Variants in MAP1B observed in about 807,000 individuals in gnomAD.
The protein encoded by MAP1B is microtubule associated protein 1B.
In MAP1B, 12 loss-of-function variants were observed where a neutral mutation model predicts 176.1. The ratio of observed to expected loss-of-function variants is 0.07; its 90% CI spans 0.04 to 0.11. The LOEUF (loss-of-function observed/expected upper bound fraction) is 0.11. Ranked by LOEUF, MAP1B falls within the 10% of genes least tolerant of loss-of-function variation. The pLI is 1.00. For missense variants in MAP1B, 2,523 were observed against 2,990.5 expected, an observed-to-expected ratio of 0.84 and a Z score of 3.65; for synonymous variants, 1,044 against 1,135.0, an observed-to-expected ratio of 0.92 and a Z score of 1.61.
At chr5:72,184,492 A>G (rs1487914984) in intron 3 of MAP1B, among the ~76,000 whole-genome samples, 3 of 152,246 alleles carry the variant, frequency 2.0e-5, no homozygotes, top group Non-Finnish European at 4.4e-5. Context: ...AGAACAGAGC[A>G]TGGCACATAA....
At position 72,107,583 on chromosome 5, in the gene MAP1B, G is replaced by A. The variant is rs1238795510; in HGVS notation, c.52G>A (p.Ala18Thr). Residue 18 changes from alanine (A) to threonine (T), a missense_variant, in exon 1 of 7, where the codon GCC becomes ACC. By Grantham distance (58) the Ala-to-Thr change is moderately conservative. Around this residue, in one of 4 missense-constraint regions of MAP1B, gnomAD observed 307 missense variants for 438.4 expected, o/e 0.70. Transcript: ENST00000296755. ...ATEPEPSGSI[A>T]NPAASTSPSL... ...CGAGCCGGAGCCGTCCGGCAGCATC[G>A]CCAACCCGGCGGCGTCCACCTCGCC... 5.0e-6 allele frequency: 8 copies of A among 1,591,360 alleles called. No homozygotes were observed. The highest frequency in any genetic ancestry group is 6.8e-6 in the Non-Finnish European group (8 of 1,175,046).
chr5:72,129,362 C>T (rs1465052657), intron 2 of MAP1B, among the ~76,000 whole-genome samples: 1 of 152,144 alleles, frequency 6.6e-6, no homozygotes, highest in Non-Finnish European at 1.5e-5. Flanking sequence ...TCAAGACCAG[C>T]CTGGCCAACA....
In MAP1B at chr5:72,199,170, T is replaced by C. The variant is rs371137897; in HGVS notation, c.5815T>C (p.Ser1939Pro). The change falls in exon 5 of 7, where the codon TCC (serine) becomes CCC (proline). Residue 1939 changes from serine (S) to proline (P), a missense_variant. Coordinates refer to ENST00000296755, the MANE Select transcript of MAP1B (RefSeq NM_005909.5). This position sits in a 1 kb window ranked among gnomAD's most constrained non-coding sequence, Gnocchi z 4.2. The stretch of plus-strand genomic sequence containing the variant: ...CAAGACCCCTGAAGATGGTGACTAT[T>C]CCTATGAAATTATTGAGAAGACCAC... ...TTKTPEDGDY[S>P]YEIIEKTTRT... is the part of the protein sequence containing the mutation. The C allele has an allele frequency of 5.5e-5, 88 of 1,614,034 alleles. No homozygotes were observed. In the African/African-American group the frequency reaches 1.2e-3, roughly 21 times the overall value.
In MAP1B at chr5:72,199,500, A is replaced by G. The variant is rs143805763; in HGVS notation, c.6145A>G (p.Thr2049Ala). 11 of 1,614,070 alleles carry G rather than the reference A, an allele frequency of 6.8e-6. No individual in the cohort carries two copies. The African/African-American group carries it at 1.1e-4, about 16-fold the overall frequency. ...TYCYETAEKI[T>A]RTPQASTYSY... is the part of the protein sequence containing the mutation. ...CTGTTACGAGACTGCAGAGAAAATC[A>G]CTAGAACCCCTCAGGCATCCACATA... The change falls in exon 5 of 7, where the codon ACT (threonine) becomes GCT (alanine). Residue 2049 changes from threonine (T) to alanine (A), a missense_variant. By Grantham distance (58) the Thr-to-Ala change is moderately conservative (BLOSUM62 0). Around this residue, in one of 4 missense-constraint regions of MAP1B, gnomAD observed 1,925 missense variants for 2,126.0 expected, o/e 0.91. Transcript: ENST00000296755. The surrounding 1 kb of genome is among the most constrained non-coding windows in gnomAD (Gnocchi z 4.2).
At chr5:72,168,161 T>C (rs181461609) in intron 2 of MAP1B, among the ~76,000 whole-genome samples, 1 of 152,372 alleles carries the variant, frequency 6.6e-6, no homozygotes, top group African/African-American at 2.4e-5. Flanking sequence ...TATCTGAGTT[T>C]ACACTGAGCA....
At position 72,143,155 on chromosome 5, in the gene MAP1B, C is replaced by T. The variant is rs562346630; in HGVS notation, c.286+27356C>T. 2.8e-4 allele frequency among the ~76,000 whole-genome samples: 43 copies of T among 152,146 alleles called. 1 individual carries two copies. The South Asian group carries it at 8.1e-3, about 29-fold the overall frequency. On this transcript the variant is annotated intron_variant, in intron 2 of 6. Transcript: ENST00000296755. ...AGTGTAGAAACATCTTTGCACGTAT[C>T]ATAGAGAAGCTGTATAATTTTATCA...
At chr5:72,132,666 A>G (rs766651295) in intron 2 of MAP1B, among the ~76,000 whole-genome samples, 17 of 152,170 alleles carry the variant, frequency 1.1e-4, no homozygotes, top group Non-Finnish European at 2.2e-4. Context: ...TCTGCCTGTC[A>G]TTCAGCCCAC....
At chr5:72,180,024 C>T (rs11951269) in intron 2 of MAP1B, 30 of 679,326 alleles carry the variant, frequency 4.4e-5, no homozygotes, top group East Asian at 1.3e-4. Flanking sequence ...CGGCAGCAGG[C>T]GAGCTCACTG....
chr5:72,182,703 C>A (rs1053551907), intron 2 of MAP1B, among the ~76,000 whole-genome samples: 1 of 152,212 alleles, frequency 6.6e-6, no homozygotes, highest in African/African-American at 2.4e-5. Flanking sequence ...CCTCTGGTGT[C>A]TGCCTCTCTC....
At position 72,195,813 on chromosome 5, in the gene MAP1B, G is replaced by C; in HGVS notation, c.2458G>C (p.Ala820Pro). The C allele has an allele frequency of 1.2e-6, 2 of 1,614,236 alleles. No homozygotes were observed. Among genetic ancestry groups the C allele is most frequent in the Non-Finnish European group, 1.7e-6 (2 of 1,180,048 alleles). The change falls in exon 5 of 7, where the codon GCC becomes CCC. Residue 820 changes from alanine to proline, a missense_variant. Ala to Pro is a conservative substitution (Grantham distance 27). Transcript: ENST00000296755. ...AGCTGGAATAGCAGCCATTGGCCCT[G>C]CCAAAGAACTCGAAGCTGAGAGGTC... is the stretch of plus-strand genomic sequence containing the variant. ...AAAGIAAIGP[A>P]KELEAERSLM...
intron 2 of MAP1B, among the ~76,000 whole-genome samples, chr5:72,172,874 T>C (rs755648895): frequency 6.6e-5 from 10 of 152,228 alleles, no homozygotes; most frequent in Non-Finnish European, 1.5e-4. Context: ...CTGCCTCTTA[T>C]TGGACAGAGC....
intron 2 of MAP1B, among the ~76,000 whole-genome samples, chr5:72,171,296 A>G (rs554168850): frequency 2.6e-5 from 4 of 152,130 alleles, no homozygotes; most frequent in Non-Finnish European, 5.9e-5. Flanking sequence ...GGCATTTAAC[A>G]GTGTAAGAAG....
At chr5:72,157,401 T>G (rs1265668430) in intron 2 of MAP1B, among the ~76,000 whole-genome samples, 1 of 152,234 alleles carries the variant, frequency 6.6e-6, no homozygotes, top group Non-Finnish European at 1.5e-5. Context: ...AATTTATTAT[T>G]TAGTTCGTTG....
intron 2 of MAP1B, among the ~76,000 whole-genome samples, chr5:72,168,791 C>T (rs529584827): frequency 2.0e-5 from 3 of 152,322 alleles, no homozygotes; most frequent in East Asian, 3.9e-4. Flanking sequence ...AGGAGAGCTA[C>T]GTCTGTTGGT....
At chr5:72,182,986 G>A (rs550217970) in intron 2 of MAP1B, among the ~76,000 whole-genome samples, 1 of 152,288 alleles carries the variant, frequency 6.6e-6, no homozygotes, top group South Asian at 2.1e-4. Context: ...TTCAGCCACC[G>A]AATGACCCTA....
intron 2 of MAP1B, among the ~76,000 whole-genome samples, chr5:72,174,126 C>G (rs181715242): frequency 6.6e-6 from 1 of 152,106 alleles, no homozygotes; most frequent in South Asian, 2.1e-4. Context: ...CGAGAAACCT[C>G]GTCTCAAAAT....
Position 72,196,877 on chromosome 5 carries a change from C to T in MAP1B, c.3522C>T (p.Tyr1174=). ...AATCTTCATTGTATTCTCAGGAATA[C>T]TCTAAACCTGCTGATGTTACACCGC... ...KYESSLYSQE[Y]SKPADVTPLN... Residue 1174 remains tyrosine (Y), a synonymous_variant, in exon 5 of 7, where the codon TAC becomes TAT. Coordinates refer to ENST00000296755, the MANE Select transcript of MAP1B (RefSeq NM_005909.5). This position sits in a 1 kb window ranked among gnomAD's most constrained non-coding sequence, Gnocchi z 5.3. 1 of 1,614,178 alleles carries T rather than the reference C, an allele frequency of 6.2e-7. No homozygotes were observed. Among genetic ancestry groups the T allele is most frequent in the Non-Finnish European group, 8.5e-7 (1 of 1,180,028 alleles).
chr5:72,161,956 C>CAAAAAAAAAAAAAAAA (rs4043357), intron 2 of MAP1B, among the ~76,000 whole-genome samples: 4 of 85,022 alleles, frequency 4.7e-5, no homozygotes, highest in East Asian at 3.1e-4. Context: ...AATTCCGTCT[C>CAAAAAAAAAAAAAAAA]AAAAAAAAAA....
chr5:72,121,025 T>C (rs770970525), intron 2 of MAP1B, among the ~76,000 whole-genome samples: 1 of 152,244 alleles, frequency 6.6e-6, no homozygotes, highest in Non-Finnish European at 1.5e-5. Flanking sequence ...CAACATTCTA[T>C]GGCTGAGCTT....
Sources: allele counts gnomAD v4.1 joint callset (sites outside exome capture counted in the v4.1 genomes callset), GRCh38; gene constraint gnomAD v4.1.1; regional missense constraint gnomAD v4.1.1; non-coding constraint Gnocchi (gnomAD v3.1); transcripts MANE v1.5; gene names NCBI Gene and HGNC (gene_info 2026-07-23, HGNC 2026-07-21).